Variants in CREB3L1 observed in about 807,000 individuals in gnomAD.
CREB3L1 encodes cAMP responsive element binding protein 3 like 1, also known as cyclic AMP-responsive element-binding protein 3-like protein 1.
CREB3L1 carries 33 observed loss-of-function variants against 54.5 expected under a neutral mutation model. That is an observed-to-expected ratio of 0.61 (90% CI 0.46 to 0.81). The LOEUF (loss-of-function observed/expected upper bound fraction) is 0.81, where lower values mean the gene tolerates loss of function less well. CREB3L1 is among the 30% of genes least tolerant of loss of function. The probability of loss-of-function intolerance (pLI) is 0.00; values close to 1 mark genes in which losing one functional copy is unlikely to be tolerated. For missense variants in CREB3L1, 656 were observed against 673.3 expected (o/e 0.97, Z 0.29); for synonymous variants, 284 against 286.4 (o/e 0.99, Z 0.08).
At chr11:46,303,302 A>G (rs1366448606) in intron 2 of CREB3L1, among the ~76,000 whole-genome samples, 2 of 152,190 alleles carry the variant, frequency 1.3e-5, no homozygotes, top group Non-Finnish European at 2.9e-5. Context: ...TTAAAAATAT[A>G]TATATACAAA....
rs572641685 is a variant in CREB3L1, at chr11:46,308,089, G to A, written c.516+89G>A. 54 of 1,235,648 alleles carry A rather than the reference G, an allele frequency of 4.4e-5. No homozygotes were observed. The African/African-American group carries it at 8.0e-4, about 18-fold the overall frequency. 76.5% of individuals were successfully genotyped at this position (1,235,648 alleles called of 1,614,324 possible). A position where few individuals can be genotyped will look rare whatever the true frequency, so the allele number is the denominator to read the frequency against. ...AGGTGCCCAAAGCCCTGTGCCCTGG[G>A]GCTCTGTGAACAGGAAGACATGAGC... On this transcript the variant is annotated intron_variant, in intron 3 of 11. Coordinates refer to ENST00000621158, the MANE Select transcript of CREB3L1 (RefSeq NM_052854.4).
intron 1 of CREB3L1, among the ~76,000 whole-genome samples, chr11:46,285,960 G>C (rs1281752404): frequency 6.6e-6 from 1 of 152,212 alleles, no homozygotes. Context: ...CTGAGCCTTT[G>C]CCCATGGGTT....
intron 1 of CREB3L1, among the ~76,000 whole-genome samples, chr11:46,288,520 C>A (rs903234285): frequency 1.3e-5 from 2 of 152,190 alleles, no homozygotes; most frequent in African/African-American, 2.4e-5. Context: ...CTTGTCCAGC[C>A]CTGCAGAGCC....
In CREB3L1 at chr11:46,312,660, C is replaced by T; in HGVS notation, c.952C>T (p.Leu318=). The T allele has an allele frequency of 6.2e-7, 1 of 1,608,310 alleles. No homozygotes were observed. The highest frequency in any genetic ancestry group is 8.5e-7 in the Non-Finnish European group (1 of 1,176,550). Residue 318 remains leucine, a synonymous_variant, in exon 7 of 12, where the codon CTA becomes TTA. Transcript: ENST00000621158. ...RRKKKEYVEC[L]EKKVETFTSE... is the part of the protein sequence containing the mutation. ...TAAGAAGAAGGAGTATGTGGAGTGT[C>T]TAGAAAAGAAGTAAGGGGCTTGGGA...
chr11:46,315,163 TC>T (rs1426575497), intron 8 of CREB3L1: 6 of 309,800 alleles, frequency 1.9e-5, no homozygotes, highest in Admixed American at 3.8e-5. Context: ...TCCTTCCTTC[TC>T]CCCCAGCTTC....
At position 46,277,986 on chromosome 11, in the gene CREB3L1, CGG is replaced by C; in HGVS notation, c.-123_-122del. 1 of 423,436 alleles carries C rather than the reference CGG, an allele frequency of 2.4e-6. No individual in the cohort carries two copies. The highest frequency in any genetic ancestry group is 4.0e-6 in the Non-Finnish European group (1 of 253,102). The allele number at this position is 423,436 out of a possible 1,614,324, so 26.2% of individuals were successfully genotyped here. On this transcript the variant is annotated 5_prime_UTR_variant, in exon 1 of 12. Transcript: ENST00000621158. Reference sequence around the variant, plus strand: ...GCGCCGCCTCCGTCCGCCCCTCCCCCGGGGCTTCGCCCCGGACCTGCCCCCCG... The same window carrying C: ...GCGCCGCCTCCGTCCGCCCCTCCCCCGGCTTCGCCCCGGACCTGCCCCCCG...
chr11:46,300,727 C>T (rs1362737282), intron 2 of CREB3L1, among the ~76,000 whole-genome samples: 12 of 151,900 alleles, frequency 7.9e-5, no homozygotes, highest in African/African-American at 2.4e-4. Flanking sequence ...AATACAGGGC[C>T]GGGCGCGGTG....
At chr11:46,316,841 T>C (rs891823601) in intron 9 of CREB3L1, among the ~76,000 whole-genome samples, 2 of 152,160 alleles carry the variant, frequency 1.3e-5, no homozygotes, top group African/African-American at 2.4e-5. Flanking sequence ...TATCTTCTTC[T>C]GGAAATGGCC....
At chr11:46,316,090 CCAGTCACCATGAGG>C in intron 8 of CREB3L1, 182 bp from the exon 9 acceptor site, 1 of 508,848 alleles carries the variant, frequency 2.0e-6, no homozygotes, top group Non-Finnish European at 3.5e-6. Flanking sequence ...GGTGACCCAG[CCAGTCACCATGAGG>C]CAGGCCCCAG....
intron 1 of CREB3L1, among the ~76,000 whole-genome samples, chr11:46,283,986 C>G (rs1407382125): frequency 6.6e-6 from 1 of 152,120 alleles, no homozygotes; most frequent in East Asian, 1.9e-4. Flanking sequence ...GATGCTGGGT[C>G]CCACAGAAGT....
In CREB3L1 at chr11:46,321,211, C is replaced by T. The variant is rs1052646271; in HGVS notation, c.*465C>T. ...ATTTTACAAATCTCCCTCTTCCCTT[C>T]GCCCCTCCCTTGTTTTATATTTTAT... On this transcript the variant is annotated 3_prime_UTR_variant, in exon 12 of 12. Transcript: ENST00000621158. 1.9e-5 allele frequency: 6 copies of T among 314,342 alleles called. No homozygotes were observed. Among genetic ancestry groups the T allele is most frequent in the South Asian group, 1.6e-4 (3 of 18,934 alleles). The allele number at this position is 314,342 out of a possible 1,614,324, so 19.5% of individuals were successfully genotyped here.
chr11:46,304,599 C>G (rs771260243), intron 2 of CREB3L1, among the ~76,000 whole-genome samples: 5 of 152,156 alleles, frequency 3.3e-5, no homozygotes, highest in Non-Finnish European at 7.3e-5. Flanking sequence ...GTACCTCCCC[C>G]CAAACCCCAT....
chr11:46,280,190 G>GT lies in CREB3L1; in HGVS notation c.102+1983dup, dbSNP rs1267979153. Among the ~76,000 whole-genome samples, 428 of 93,742 alleles carry GT rather than the reference G, an allele frequency of 4.6e-3. 6 individuals carry two copies. Among genetic ancestry groups the GT allele is most frequent in the African/African-American group, 0.011 (241 of 22,394 alleles). 61.5% of individuals were successfully genotyped at this position (93,742 alleles called of 152,430 possible). On this transcript the variant is annotated intron_variant, in intron 1 of 11. Coordinates refer to ENST00000621158, the MANE Select transcript of CREB3L1 (RefSeq NM_052854.4). ...TTTCTTGTTTTTTTTTTTGTTTTTTGTTTTTTGTTTTTTTTCAGACGGAGT... is the reference window on the plus strand; with the variant it reads ...TTTCTTGTTTTTTTTTTTGTTTTTTGTTTTTTTGTTTTTTTTCAGACGGAGT...
intron 2 of CREB3L1, among the ~76,000 whole-genome samples, chr11:46,304,496 T>C (rs1292263443): frequency 5.3e-5 from 8 of 151,938 alleles, no homozygotes; most frequent in African/African-American, 9.7e-5. Flanking sequence ...TAGAAGCTCA[T>C]GTGTGACAAG....
In CREB3L1 at chr11:46,307,646, T is replaced by G. The variant is rs1590348025; in HGVS notation, c.332-170T>G. Among the ~76,000 whole-genome samples, 12 of 152,210 alleles carry G rather than the reference T, an allele frequency of 7.9e-5. No homozygotes were observed. In the South Asian group the frequency reaches 2.5e-3, roughly 32 times the overall value. On this transcript the variant is annotated intron_variant, in intron 2 of 11. Transcript: ENST00000621158. ...GCTGAATGAAGAGGATGTCCTCACCTCTTCTGGCCCCAGACAACTCCTCCT... is the reference window on the plus strand; with the variant it reads ...GCTGAATGAAGAGGATGTCCTCACCGCTTCTGGCCCCAGACAACTCCTCCT...
chr11:46,286,252 A>G (rs1411260258), intron 1 of CREB3L1, among the ~76,000 whole-genome samples: 1 of 152,222 alleles, frequency 6.6e-6, no homozygotes, highest in Non-Finnish European at 1.5e-5. Context: ...GTGGGTGGAT[A>G]GATAGTAAAA....
intron 8 of CREB3L1, among the ~76,000 whole-genome samples, chr11:46,314,409 T>C (rs1426325340): frequency 1.3e-5 from 2 of 152,146 alleles, no homozygotes; most frequent in Admixed American, 6.6e-5. Flanking sequence ...TTTCTTGAGA[T>C]AGGGTCTCAC....
chr11:46,320,687 G>A (rs781415983), intron 11 of CREB3L1, 23 bp from the exon 12 acceptor site: 22 of 1,606,822 alleles, frequency 1.4e-5, no homozygotes, highest in Middle Eastern at 1.6e-4. Flanking sequence ...GACAGTCATC[G>A]CTGGCCTCTC....
At chr11:46,311,394 C>T (rs1325705517) in intron 5 of CREB3L1, among the ~76,000 whole-genome samples, 2 of 152,210 alleles carry the variant, frequency 1.3e-5, no homozygotes, top group African/African-American at 4.8e-5. Context: ...AGTGCAGTGG[C>T]TCAATCTCGG....
Sources: gnomAD v4.1 joint callset for allele counts (sites outside exome capture counted in the v4.1 genomes callset) on GRCh38, gnomAD v4.1.1 for gene constraint, MANE v1.5 for transcripts, NCBI Gene and HGNC (gene_info 2026-07-23, HGNC 2026-07-21) for gene names.